Variants in PASK observed in about 807,000 individuals in gnomAD.
PASK encodes PAS domain-containing serine/threonine-protein kinase.
In PASK, 110 loss-of-function variants were observed where a neutral mutation model predicts 121.0. The ratio of observed to expected loss-of-function variants is 0.91; its 90% confidence interval spans 0.78 to 1.06. The LOEUF (loss-of-function observed/expected upper bound fraction) is 1.06. Ranked by LOEUF, PASK falls within the 50% of genes least tolerant of loss-of-function variation. The pLI is 0.00. For synonymous variants in PASK, 686 were observed against 717.8 expected, an observed-to-expected ratio of 0.96 and a Z score of 0.71; for missense variants, 1,643 against 1,702.3, an observed-to-expected ratio of 0.97 and a Z score of 0.61.
chr2:241,139,754 A>G (rs1248514193), intron 4 of PASK, 131 bp downstream of exon 4: 9 of 859,186 alleles, frequency 1.0e-5, no homozygotes, highest in Non-Finnish European at 1.7e-5. Context: ...TGACATTTTC[A>G]GCTGAAGAAG....
intron 8 of PASK, chr2:241,134,623 CT>C (rs1227607174): frequency 6.6e-6 from 1 of 152,228 alleles, no homozygotes; most frequent in Non-Finnish European, 1.5e-5. Context: ...ATTAAATCCA[CT>C]TTCGCACTCA....
In PASK at chr2:241,115,430, G is replaced by T. The variant is rs1180753159; in HGVS notation, c.3073-17C>A. 6.2e-7 allele frequency: 1 copy of T among 1,613,628 alleles called. No individual in the cohort carries two copies. Among genetic ancestry groups the T allele is most frequent in the South Asian group, 1.1e-5 (1 of 91,086 alleles). Reference sequence around the variant, plus strand: ...CACCACCACCTGTGAGGAAGACAGAGCGTAGTGGAAATAGCTGGAGCCAGT... The same window carrying T: ...CACCACCACCTGTGAGGAAGACAGATCGTAGTGGAAATAGCTGGAGCCAGT... On this transcript the variant is annotated splice_polypyrimidine_tract_variant and intron_variant, in intron 12 of 17. Transcript: ENST00000234040.
In PASK at chr2:241,108,774, G is replaced by A. The variant is rs2064989893; in HGVS notation, c.3534-474C>T. The A allele has an allele frequency of 7.3e-6, 2 of 273,098 alleles. No individual in the cohort carries two copies. Among genetic ancestry groups the A allele is most frequent in the African/African-American group, 2.2e-5 (1 of 45,772 alleles). The allele number at this position is 273,098 out of a possible 1,614,324, so 16.9% of individuals were successfully genotyped here. On this transcript the variant is annotated intron_variant, in intron 15 of 17. Coordinates refer to ENST00000234040, the MANE Select transcript of PASK (RefSeq NM_015148.4). This position sits in a 1 kb window ranked among gnomAD's most constrained non-coding sequence, Gnocchi z 5.2. ...ACACATGCCCTTTAGGAAGATGGCT[G>A]TGGCGACGATGTGAAGGGTGCTGCA...
At chr2:241,144,714 G>A (rs2066872138) in intron 1 of PASK, among the ~76,000 whole-genome samples, 1 of 152,174 alleles carries the variant, frequency 6.6e-6, no homozygotes, top group Admixed American at 6.5e-5. Flanking sequence ...TCCAAGACAA[G>A]GCAGGCCTGG....
intron 2 of PASK, among the ~76,000 whole-genome samples, chr2:241,141,417 T>C (rs1307980912): frequency 6.6e-6 from 1 of 152,128 alleles, no homozygotes; most frequent in African/African-American, 2.4e-5. Flanking sequence ...GTTCCTACGA[T>C]TCAAGAGCTC....
intron 1 of PASK, among the ~76,000 whole-genome samples, chr2:241,144,842 T>A (rs900842578): frequency 2.6e-5 from 4 of 152,218 alleles, no homozygotes; most frequent in African/African-American, 9.6e-5. Context: ...ATACTGGCCA[T>A]CTTTGGTGTT....
rs2066665883 is a variant in PASK, at chr2:241,140,764, A to T, written c.197-11T>A. ...AGCTCCATCTGTCTTCTGAAAAGAG[A>T]AGCGAAGCGAAGCTTTAGACTTCAC... On this transcript the variant is annotated splice_polypyrimidine_tract_variant and intron_variant, in intron 2 of 17. Coordinates refer to ENST00000234040, the MANE Select transcript of PASK (RefSeq NM_015148.4). 6.4e-7 allele frequency: 1 copy of T among 1,560,034 alleles called. No individual in the cohort carries two copies. The highest frequency in any genetic ancestry group is 1.1e-5 in the South Asian group (1 of 89,832).
chr2:241,128,905 G>A (rs554099289), intron 9 of PASK, among the ~76,000 whole-genome samples: 1 of 152,028 alleles, frequency 6.6e-6, no homozygotes, highest in East Asian at 1.9e-4. Context: ...CCAAGGGTGG[G>A]TTCCACAGAG....
chr2:241,115,336 A>T lies in PASK; in HGVS notation c.3150T>A (p.Thr1050=), dbSNP rs918784218. 1 of 1,613,992 alleles carries T rather than the reference A, an allele frequency of 6.2e-7. No homozygotes were observed. Among genetic ancestry groups the T allele is most frequent in the Admixed American group, 1.7e-5 (1 of 60,014 alleles). ...WIEDPKLGKV[T]LEIAILSRVE... ...CCCTGGATAGAATTGCGATCTCTAA[A>T]GTAACTTTCCCAAGTTTGGGATCCT... The change falls in exon 13 of 18, where the codon ACT becomes ACA. Residue 1050 remains threonine, a synonymous_variant. Coordinates refer to ENST00000234040, the MANE Select transcript of PASK (RefSeq NM_015148.4).
intron 15 of PASK, among the ~76,000 whole-genome samples, chr2:241,111,582 C>T (rs1457656313): frequency 6.6e-6 from 1 of 152,214 alleles, no homozygotes; most frequent in Non-Finnish European, 1.5e-5. Context: ...GAACCACAAT[C>T]TTCCTTTCCG....
intron 1 of PASK, among the ~76,000 whole-genome samples, chr2:241,144,872 A>G (rs2125458846): frequency 6.6e-6 from 1 of 151,624 alleles, no homozygotes; most frequent in Middle Eastern, 3.4e-3. Flanking sequence ...CAGCTGCGTC[A>G]CTCCAGTCTC....
At chr2:241,115,722 C>A (rs2065313819) in intron 12 of PASK, among the ~76,000 whole-genome samples, 1 of 118,166 alleles carries the variant, frequency 8.5e-6, no homozygotes, top group African/African-American at 4.1e-5. Flanking sequence ...ACCGGGGCCA[C>A]CCGGTCCCCA....
At position 241,112,514 on chromosome 2, in the gene PASK, C is replaced by CAAA; in HGVS notation, c.3334-78_3334-76dup. On this transcript the variant is annotated intron_variant, in intron 14 of 17. Coordinates refer to ENST00000234040, the MANE Select transcript of PASK (RefSeq NM_015148.4). The surrounding 1 kb of genome is among the most constrained non-coding windows in gnomAD (Gnocchi z 5.2). Reference sequence around the variant, plus strand: ...AATATGCATTTAAAATAAACTGGAACAAAAAAAAACACAAAGAAAAAATAA... The same window carrying CAAA: ...AATATGCATTTAAAATAAACTGGAACAAAAAAAAAAAACACAAAGAAAAAATAA... 1 of 843,008 alleles carries CAAA rather than the reference C, an allele frequency of 1.2e-6. No individual in the cohort carries two copies. The allele number at this position is 843,008 out of a possible 1,614,324, so 52.2% of individuals were successfully genotyped here.
At chr2:241,130,076 G>A (rs570690462) in intron 9 of PASK, among the ~76,000 whole-genome samples, 89 of 152,124 alleles carry the variant, frequency 5.9e-4, no homozygotes, top group Non-Finnish European at 1.1e-3. Flanking sequence ...AAAGCACTCC[G>A]TACAGCTCAC....
chr2:241,130,485 G>C (rs2066074624), intron 9 of PASK, among the ~76,000 whole-genome samples: 1 of 152,116 alleles, frequency 6.6e-6, no homozygotes, highest in South Asian at 2.1e-4. Flanking sequence ...CTGGCAAGGG[G>C]GCCCGGCCGC....
In PASK at chr2:241,108,358, C is replaced by A; in HGVS notation, c.3534-58G>T. Reference sequence around the variant, plus strand: ...GCACTCAGCGCAGGCTTGCCAAGCCCGCCCATGGGAAGCACCATGGCCCTT... The same window carrying A: ...GCACTCAGCGCAGGCTTGCCAAGCCAGCCCATGGGAAGCACCATGGCCCTT... On this transcript the variant is annotated intron_variant, in intron 15 of 17. Transcript: ENST00000234040. This position sits in a 1 kb window ranked among gnomAD's most constrained non-coding sequence, Gnocchi z 5.2. The A allele has an allele frequency of 6.3e-7, 1 of 1,590,724 alleles. No homozygotes were observed.
chr2:241,110,647 C>T, intron 15 of PASK, among the ~76,000 whole-genome samples: 1 of 152,148 alleles, frequency 6.6e-6, no homozygotes, highest in Non-Finnish European at 1.5e-5. Flanking sequence ...CAGGTTGGAT[C>T]CCCCCTGCAC....
At chr2:241,106,751 A>C (rs1466510364) in intron 17 of PASK, 28 bp from the exon 18 acceptor site, 1 of 1,610,616 alleles carries the variant, frequency 6.2e-7, no homozygotes, top group South Asian at 1.1e-5. Context: ...TAACTGTATC[A>C]CGTGCTAACA....
At chr2:241,147,842 G>C (rs2067032815) in intron 1 of PASK, among the ~76,000 whole-genome samples, 1 of 152,184 alleles carries the variant, frequency 6.6e-6, no homozygotes, top group African/African-American at 2.4e-5. Context: ...AGCCTATCCA[G>C]GAGGGAAACT....
Sources: allele counts gnomAD v4.1 joint callset (sites outside exome capture counted in the v4.1 genomes callset), GRCh38; gene constraint gnomAD v4.1.1; non-coding constraint Gnocchi (gnomAD v3.1); transcripts MANE v1.5; gene names NCBI Gene and HGNC (gene_info 2026-07-23, HGNC 2026-07-21).